The following DEPDC1B variants were observed in gnomAD, a reference collection of about 807,000 sequenced individuals.
The protein encoded by DEPDC1B is DEP domain containing 1B, also known as DEP domain-containing protein 1B.
DEPDC1B carries 51 observed loss-of-function variants against 66.5 expected under a neutral mutation model. That is an observed-to-expected ratio of 0.77 (90% CI 0.61 to 0.97). The LOEUF (loss-of-function observed/expected upper bound fraction) is 0.97. DEPDC1B is among the 50% of genes least tolerant of loss of function. The pLI is 0.00. For synonymous variants in DEPDC1B, 226 were observed against 223.6 expected (o/e 1.01, Z -0.10); for missense variants, 552 against 637.1 (o/e 0.87, Z 1.44).
intron 2 of DEPDC1B, among the ~76,000 whole-genome samples, chr5:60,665,189 G>A (rs1302130634): frequency 6.6e-6 from 1 of 152,120 alleles, no homozygotes; most frequent in Non-Finnish European, 1.5e-5. Context: ...AGGATGGCTA[G>A]CCACCGAAGA....
intron 7 of DEPDC1B, among the ~76,000 whole-genome samples, chr5:60,613,835 T>C (rs1231937156): frequency 6.6e-6 from 1 of 150,642 alleles, no homozygotes; most frequent in East Asian, 2.0e-4. Flanking sequence ...TGTGTATACA[T>C]AAAAAACAGA....
At chr5:60,675,929 T>C (rs1001911832) in intron 2 of DEPDC1B, among the ~76,000 whole-genome samples, 2 of 151,584 alleles carry the variant, frequency 1.3e-5, no homozygotes, top group Non-Finnish European at 2.9e-5. Flanking sequence ...TTTTTTGTTT[T>C]TTTGTTTTTT....
intron 2 of DEPDC1B, among the ~76,000 whole-genome samples, chr5:60,660,735 T>C (rs188609739): frequency 1.2e-3 from 180 of 152,338 alleles, no homozygotes; most frequent in Non-Finnish European, 1.7e-3. Context: ...GGGGCTATTC[T>C]GTTAGAAAAA....
intron 2 of DEPDC1B, among the ~76,000 whole-genome samples, chr5:60,665,080 A>G (rs1371977236): frequency 6.6e-6 from 1 of 152,088 alleles, no homozygotes; most frequent in Non-Finnish European, 1.5e-5. Flanking sequence ...CTTATAGAGG[A>G]CCCCTAGTAT....
At chr5:60,697,862 G>T (rs1754691668) in intron 1 of DEPDC1B, among the ~76,000 whole-genome samples, 1 of 152,116 alleles carries the variant, frequency 6.6e-6, no homozygotes, top group Admixed American at 6.5e-5. Flanking sequence ...AAGACTTCTA[G>T]AGAGCAGAGA....
Position 60,599,183 on chromosome 5 carries a change from A to G in DEPDC1B, c.1320T>C (p.Phe440=). Residue 440 remains phenylalanine, a synonymous_variant, in exon 10 of 11, where the codon TTT becomes TTC. Transcript: ENST00000265036. Reference sequence around the variant, plus strand: ...GAGAGCCATATGATCTTTGATATTCAAATTCCTCTGGACTAATTTGACGGC... The same window carrying G: ...GAGAGCCATATGATCTTTGATATTCGAATTCCTCTGGACTAATTTGACGGC... ...SFCRQISPEE[F]EYQRSYGSQE... The G allele has an allele frequency of 1.2e-6, 2 of 1,613,582 alleles. No homozygotes were observed. The highest frequency in any genetic ancestry group is 2.7e-5 in the African/African-American group (2 of 74,994).
At chr5:60,605,619 C>T in intron 8 of DEPDC1B, 71 bp downstream of exon 8, 2 of 1,514,506 alleles carry the variant, frequency 1.3e-6, no homozygotes, top group African/African-American at 2.8e-5. Context: ...CTCTGATCAC[C>T]CAAACTAATA....
At position 60,615,956 on chromosome 5, in the gene DEPDC1B, C is replaced by T. The variant is rs969787096; in HGVS notation, c.899-10100G>A. On this transcript the variant is annotated intron_variant, in intron 7 of 10. Transcript: ENST00000265036. ...CTCTGAGAAAAAACTTCCAAAGGAA[C>T]GATCAGGCAGCAACATTTGCTGTTC... Among the ~76,000 whole-genome samples the T allele has an allele frequency of 3.3e-5, 5 of 152,206 alleles. 1 individual carries two copies. Among genetic ancestry groups the T allele is most frequent in the South Asian group, 4.1e-4 (2 of 4,828 alleles).
intron 2 of DEPDC1B, among the ~76,000 whole-genome samples, chr5:60,664,336 G>T (rs1355903829): frequency 1.3e-5 from 2 of 152,198 alleles, no homozygotes; most frequent in African/African-American, 4.8e-5. Context: ...AGTATCTAAA[G>T]CAGTTAAAAT....
chr5:60,676,124 A>G (rs1158306629), intron 2 of DEPDC1B, among the ~76,000 whole-genome samples: 1 of 151,140 alleles, frequency 6.6e-6, no homozygotes, highest in South Asian at 2.1e-4. Context: ...TAAAGACGGG[A>G]TTTCACTGTG....
chr5:60,616,753 C>T (rs986857985), intron 7 of DEPDC1B, among the ~76,000 whole-genome samples: 3 of 152,174 alleles, frequency 2.0e-5, no homozygotes, highest in African/African-American at 4.8e-5. Flanking sequence ...TCTAGCAAGG[C>T]AGGCCAACAT....
rs905472717 is a variant in DEPDC1B, at chr5:60,687,194, T to C, written c.82A>G (p.Met28Val). 5.6e-6 allele frequency: 9 copies of C among 1,612,722 alleles called. No homozygotes were observed. The highest frequency in any genetic ancestry group is 7.6e-6 in the Non-Finnish European group (9 of 1,178,886). ...CGACAGCGATGTTTCCGTAACGGCATCTTAGCACGAAAAAGCTCCACGGTC... is the reference window on the plus strand; with the variant it reads ...CGACAGCGATGTTTCCGTAACGGCACCTTAGCACGAAAAAGCTCCACGGTC... ...NETVELFRAK[M>V]PLRKHRCRFK... Residue 28 changes from methionine (M) to valine (V), a missense_variant, in exon 2 of 11, where the codon ATG becomes GTG. Transcript: ENST00000265036.
chr5:60,696,400 T>C (rs1413830170), intron 1 of DEPDC1B, among the ~76,000 whole-genome samples: 1 of 152,244 alleles, frequency 6.6e-6, no homozygotes, highest in African/African-American at 2.4e-5. Context: ...ATGGGTTATA[T>C]TTCCTTAATA....
chr5:60,655,122 G>A (rs1483170455), intron 2 of DEPDC1B, among the ~76,000 whole-genome samples: 2 of 148,936 alleles, frequency 1.3e-5, no homozygotes, highest in Non-Finnish European at 2.9e-5. Flanking sequence ...TGATATAAGG[G>A]CGATAATGGC....
chr5:60,655,302 C>T (rs1221951706), intron 2 of DEPDC1B, among the ~76,000 whole-genome samples: 1 of 148,592 alleles, frequency 6.7e-6, no homozygotes, highest in Non-Finnish European at 1.5e-5. Context: ...TTGAATCTCG[C>T]TGCTTGCTAT....
chr5:60,628,249 A>G (rs987933990), intron 7 of DEPDC1B: 1 of 152,236 alleles, frequency 6.6e-6, no homozygotes, highest in African/African-American at 2.4e-5. Context: ...TAATAGTTAC[A>G]TCAGATTTCT....
chr5:60,624,210 G>C (rs1250650222), intron 7 of DEPDC1B, among the ~76,000 whole-genome samples: 1 of 152,094 alleles, frequency 6.6e-6, no homozygotes, highest in Non-Finnish European at 1.5e-5. Flanking sequence ...AATGGGTGTT[G>C]AATATTGTCA....
chr5:60,601,241 C>G (rs1752194628), intron 9 of DEPDC1B, among the ~76,000 whole-genome samples: 2 of 152,162 alleles, frequency 1.3e-5, no homozygotes, highest in Admixed American at 1.3e-4. Flanking sequence ...CTTGCAGAAA[C>G]TTGGTGAAGT....
intron 2 of DEPDC1B, among the ~76,000 whole-genome samples, chr5:60,654,621 T>C (rs1327413188): frequency 6.7e-6 from 1 of 148,842 alleles, no homozygotes; most frequent in Non-Finnish European, 1.5e-5. Flanking sequence ...CCTTTATTTC[T>C]TTCTCTTCTC....
Sources: allele counts gnomAD v4.1 joint callset (sites outside exome capture counted in the v4.1 genomes callset), GRCh38; gene constraint gnomAD v4.1.1; transcripts MANE v1.5; gene names NCBI Gene and HGNC (gene_info 2026-07-23, HGNC 2026-07-21).